Variants in CASTOR2 observed in about 807,000 individuals in gnomAD.
CASTOR2 encodes cytosolic arginine sensor for mTORC1 subunit 2.
In CASTOR2, 8 loss-of-function variants were observed where a neutral mutation model predicts 31.2. That is an observed-to-expected ratio of 0.26 (90% CI 0.15 to 0.46). CASTOR2 has a LOEUF of 0.46. Ranked by LOEUF, CASTOR2 falls within the 20% of genes least tolerant of loss-of-function variation. The pLI is 0.99. For missense variants in CASTOR2, 216 were observed against 382.1 expected, an observed-to-expected ratio of 0.57 and a Z score of 3.62; for synonymous variants, 162 against 158.7, an observed-to-expected ratio of 1.02 and a Z score of -0.16.
intron 7 of CASTOR2, among the ~76,000 whole-genome samples, chr7:75,023,477 G>GTT (rs1227555733): frequency 2.2e-5 from 1 of 44,658 alleles, no homozygotes; most frequent in Non-Finnish European, 5.1e-5. Flanking sequence ...TTTGTTTTTT[G>GTT]TTTTTTTTTT....
intron 1 of CASTOR2, among the ~76,000 whole-genome samples, chr7:74,987,162 C>T (rs1402195983): frequency 1.5e-3 from 232 of 151,876 alleles, no homozygotes; most frequent in Non-Finnish European, 2.8e-3. Context: ...CTCAGCACTT[C>T]GGGAGGCCAA....
chr7:75,004,757 T>C (rs1332347276), intron 1 of CASTOR2, among the ~76,000 whole-genome samples: 4 of 151,924 alleles, frequency 2.6e-5, no homozygotes, highest in Non-Finnish European at 5.9e-5. Context: ...AAGCATTTTC[T>C]TTACATTCAA....
chr7:74,985,120 G>C (rs1374987834), intron 1 of CASTOR2, among the ~76,000 whole-genome samples: 3 of 152,140 alleles, frequency 2.0e-5, no homozygotes, highest in Non-Finnish European at 4.4e-5. Context: ...CTGGGTGACA[G>C]AGTGAGACCC....
chr7:75,026,200 T>C lies in CASTOR2; in HGVS notation c.*1501T>C, dbSNP rs1805127540. On this transcript the variant is annotated 3_prime_UTR_variant, in exon 9 of 9. Transcript: ENST00000616305. ...TGGCTCTGGCGGGGGTTTTTTTTTT[T>C]TTTTTTGAGATGGGAGTCTGGCTCT... Among the ~76,000 whole-genome samples, 1 of 147,256 alleles carries C rather than the reference T, an allele frequency of 6.8e-6. No homozygotes were observed. The highest frequency in any genetic ancestry group is 2.1e-4 in the South Asian group (1 of 4,658).
chr7:74,993,533 A>G (rs1376530691), intron 1 of CASTOR2, among the ~76,000 whole-genome samples: 1 of 140,672 alleles, frequency 7.1e-6, no homozygotes, highest in Non-Finnish European at 1.5e-5. Flanking sequence ...TCACTGCAAC[A>G]TCCACCTCCT....
At chr7:75,000,950 A>G (rs1404174223) in intron 1 of CASTOR2, among the ~76,000 whole-genome samples, 1 of 152,200 alleles carries the variant, frequency 6.6e-6, no homozygotes, top group East Asian at 1.9e-4. Context: ...GGCATGATCC[A>G]CCGCACCCGG....
rs587594368 is a variant in CASTOR2, at chr7:74,988,593, G to A, written c.114-19401G>A. On this transcript the variant is annotated intron_variant, in intron 1 of 8. Transcript: ENST00000616305. ...ATTACAGGCGTGAGCCACCGCACCC[G>A]GCCCACGCTCCTTTTTTTTGGTGGA... 7.1e-3 allele frequency among the ~76,000 whole-genome samples: 1,085 copies of A among 152,128 alleles called. 10 individuals are homozygous for A. The highest frequency in any genetic ancestry group is 0.011 in the Non-Finnish European group (757 of 67,994).
intron 2 of CASTOR2, 113 bp downstream of exon 2, chr7:75,008,177 C>T (rs1319447319): frequency 7.6e-6 from 10 of 1,314,468 alleles, no homozygotes; most frequent in Non-Finnish European, 1.1e-5. Context: ...CCCCCACCTA[C>T]CTCCTTACTT....
intron 2 of CASTOR2, among the ~76,000 whole-genome samples, chr7:75,010,437 T>C (rs1458318243): frequency 5.9e-5 from 9 of 152,036 alleles, no homozygotes; most frequent in Non-Finnish European, 1.0e-4. Context: ...GGGGTGTGTG[T>C]GTGCAGGAGA....
intron 2 of CASTOR2, among the ~76,000 whole-genome samples, chr7:75,010,634 C>G (rs1319321006): frequency 6.6e-6 from 1 of 152,046 alleles, no homozygotes; most frequent in Non-Finnish European, 1.5e-5. Context: ...CTGAGCCTTT[C>G]CCAGCCGCAG....
rs1554437202 is a variant in CASTOR2 at position 74,990,423 on chromosome 7, A to C, written c.114-17571A>C. 9.0e-4 allele frequency among the ~76,000 whole-genome samples: 137 copies of C among 151,878 alleles called. 2 individuals are homozygous for C. Among genetic ancestry groups the C allele is most frequent in the South Asian group, 7.9e-3 (38 of 4,816 alleles). ...AAACAAAAAACAACAACAACAACAA[A>C]AAAACATGTTTTGGCTAGGTGCAGT... is the stretch of plus-strand genomic sequence containing the variant. On this transcript the variant is annotated intron_variant, in intron 1 of 8. Coordinates refer to ENST00000616305, the MANE Select transcript of CASTOR2 (RefSeq NM_001145064.3).
chr7:75,021,776 G>C, intron 6 of CASTOR2, 98 bp from the exon 7 acceptor site: 1 of 1,464,344 alleles, frequency 6.8e-7, no homozygotes, highest in South Asian at 1.2e-5. Flanking sequence ...ACCCTGCCTG[G>C]CCAGCCCCAT....
At chr7:74,989,321 G>C (rs1804149333) in intron 1 of CASTOR2, among the ~76,000 whole-genome samples, 2 of 150,262 alleles carry the variant, frequency 1.3e-5, no homozygotes, top group Non-Finnish European at 3.0e-5. Flanking sequence ...CAGTAGTGCA[G>C]TTATAGCTCA....
intron 1 of CASTOR2, among the ~76,000 whole-genome samples, chr7:74,972,737 T>C (rs1439345876): frequency 1.3e-5 from 2 of 150,502 alleles, no homozygotes; most frequent in Non-Finnish European, 3.0e-5. Flanking sequence ...TGGAGTGCAA[T>C]GGCGCAATCT....
At position 75,025,088 on chromosome 7, in the gene CASTOR2, C is replaced by T. The variant is rs1805090898; in HGVS notation, c.*389C>T. Among the ~76,000 whole-genome samples, 2 of 152,232 alleles carry T rather than the reference C, an allele frequency of 1.3e-5. No individual in the cohort carries two copies. The highest frequency in any genetic ancestry group is 2.4e-5 in the African/African-American group (1 of 41,454). On this transcript the variant is annotated 3_prime_UTR_variant, in exon 9 of 9. Transcript: ENST00000616305. ...CACCGGTGTGCCAGCTGTCATGTCACCTTGCAGGGCTGGGGCTGGCGGGGT... is the reference window on the plus strand; with the variant it reads ...CACCGGTGTGCCAGCTGTCATGTCATCTTGCAGGGCTGGGGCTGGCGGGGT...
chr7:74,989,090 A>G (rs1430136573), intron 1 of CASTOR2, among the ~76,000 whole-genome samples: 1 of 151,022 alleles, frequency 6.6e-6, no homozygotes, highest in African/African-American at 2.4e-5. Flanking sequence ...CCTCCTGAGT[A>G]GCTGGGACTA....
At chr7:75,015,794 C>T (rs1297085158) in intron 2 of CASTOR2, among the ~76,000 whole-genome samples, 18 of 151,838 alleles carry the variant, frequency 1.2e-4, no homozygotes, top group Admixed American at 2.6e-4. Context: ...CGGCCAGGCG[C>T]GGTGGCTCAC....
intron 1 of CASTOR2, among the ~76,000 whole-genome samples, chr7:74,996,839 C>T (rs1804364045): frequency 1.4e-5 from 2 of 142,364 alleles, no homozygotes; most frequent in Admixed American, 7.7e-5. Context: ...AGCAATTCTT[C>T]CGCCTCAGCC....
chr7:75,004,186 C>T (rs1434397011), intron 1 of CASTOR2, among the ~76,000 whole-genome samples: 2 of 152,062 alleles, frequency 1.3e-5, no homozygotes, highest in Non-Finnish European at 2.9e-5. Flanking sequence ...TTTCTGAGTT[C>T]CTGGGGGTCC....
Sources: allele counts gnomAD v4.1 joint callset (sites outside exome capture counted in the v4.1 genomes callset), GRCh38; gene constraint gnomAD v4.1.1; transcripts MANE v1.5; gene names NCBI Gene and HGNC (gene_info 2026-07-23, HGNC 2026-07-21).